Variants in TAFA5 observed in about 807,000 individuals in gnomAD.
The protein encoded by TAFA5 is chemokine-like protein TAFA-5.
TAFA5 carries 6 observed loss-of-function variants against 15.3 expected under a neutral mutation model. The ratio of observed to expected loss-of-function variants is 0.39; its 90% CI spans 0.21 to 0.77. TAFA5 has a LOEUF of 0.77. TAFA5 is among the 30% of genes least tolerant of loss of function. TAFA5 has a pLI of 0.41. For missense variants in TAFA5, 161 were observed against 193.1 expected, an observed-to-expected ratio of 0.83 and a Z score of 0.98; for synonymous variants, 103 against 80.7, an observed-to-expected ratio of 1.28 and a Z score of -1.48.
At chr22:48,507,980 C>T (rs935503394) in intron 1 of TAFA5, among the ~76,000 whole-genome samples, 4 of 152,174 alleles carry the variant, frequency 2.6e-5, no homozygotes, top group Non-Finnish European at 4.4e-5. Flanking sequence ...AGAACCATCG[C>T]CCAGCCCCTA....
rs1038220506 is a variant in TAFA5, at chr22:48,550,145, CTG to C, written c.112+60449_112+60450del. Among the ~76,000 whole-genome samples the C allele has an allele frequency of 2.6e-5, 4 of 152,220 alleles. No homozygotes were observed. The highest frequency in any genetic ancestry group is 9.6e-5 in the African/African-American group (4 of 41,462). Reference sequence around the variant, plus strand: ...GTATGCTGGGCATGGGTGTAGCAGCCTGTGTGTGTCCACCCGAGGTGGCCCTG... The same window carrying C: ...GTATGCTGGGCATGGGTGTAGCAGCCTGTGTGTCCACCCGAGGTGGCCCTG... On this transcript the variant is annotated intron_variant, in intron 1 of 3. Coordinates refer to ENST00000402357, the MANE Select transcript of TAFA5 (RefSeq NM_001082967.3). This position sits in a 1 kb window ranked among gnomAD's most constrained non-coding sequence, Gnocchi z 4.1.
chr22:48,511,829 G>A (rs1011844452), intron 1 of TAFA5, among the ~76,000 whole-genome samples: 2 of 152,262 alleles, frequency 1.3e-5, no homozygotes, highest in Non-Finnish European at 2.9e-5. Flanking sequence ...CTGCCCGCTT[G>A]TGCCTGGTGC....
chr22:48,543,095 G>A (rs1249112785), intron 1 of TAFA5, among the ~76,000 whole-genome samples: 1 of 151,946 alleles, frequency 6.6e-6, no homozygotes, highest in East Asian at 1.9e-4. Context: ...AGTGGTCTGG[G>A]GTCTGCATCC....
At chr22:48,513,395 T>C (rs1921294695) in intron 1 of TAFA5, among the ~76,000 whole-genome samples, 1 of 152,228 alleles carries the variant, frequency 6.6e-6, no homozygotes, top group Admixed American at 6.5e-5. Flanking sequence ...GCTCATCGCA[T>C]GTGCAGAGTT....
chr22:48,674,429 C>T (rs1927903610), intron 2 of TAFA5, among the ~76,000 whole-genome samples: 1 of 152,208 alleles, frequency 6.6e-6, no homozygotes, highest in African/African-American at 2.4e-5. Context: ...TCTGCTCTTC[C>T]TGCCTCTGGA....
chr22:48,575,382 G>A (rs2147140780), intron 1 of TAFA5, among the ~76,000 whole-genome samples: 1 of 148,834 alleles, frequency 6.7e-6, no homozygotes, highest in East Asian at 2.0e-4. Flanking sequence ...CGGCCGGGAG[G>A]AGCGCAGACG....
intron 1 of TAFA5, chr22:48,546,677 A>G (rs1182875830): frequency 2.0e-5 from 9 of 454,706 alleles, no homozygotes; most frequent in Admixed American, 1.9e-4. Context: ...GAGGGTCCGC[A>G]GGATGGGGGG....
At chr22:48,708,840 G>T (rs1929163766) in intron 3 of TAFA5, among the ~76,000 whole-genome samples, 1 of 152,214 alleles carries the variant, frequency 6.6e-6, no homozygotes, top group East Asian at 1.9e-4. Flanking sequence ...CCTCACACTG[G>T]GCTGCAGGGA....
At chr22:48,621,953 A>G (rs1382647210) in intron 1 of TAFA5, among the ~76,000 whole-genome samples, 1 of 152,010 alleles carries the variant, frequency 6.6e-6, no homozygotes, top group Non-Finnish European at 1.5e-5. Flanking sequence ...GTTTTCCTAG[A>G]TGAGGAGTTT....
intron 2 of TAFA5, among the ~76,000 whole-genome samples, chr22:48,660,522 A>G (rs1927398829): frequency 1.3e-5 from 2 of 152,144 alleles, no homozygotes; most frequent in African/African-American, 4.8e-5. Context: ...CCTAGAGACA[A>G]TTCTTTCCAG....
chr22:48,695,977 G>T (rs537321664), intron 2 of TAFA5, among the ~76,000 whole-genome samples: 87 of 152,344 alleles, frequency 5.7e-4, no homozygotes, highest in African/African-American at 2.0e-3. Flanking sequence ...GCACTCGAGA[G>T]CATATAGGCT....
At chr22:48,658,302 T>TC (rs1446527245) in intron 2 of TAFA5, among the ~76,000 whole-genome samples, 2 of 152,200 alleles carry the variant, frequency 1.3e-5, no homozygotes, top group Non-Finnish European at 2.9e-5. Flanking sequence ...ATCTGGGGAT[T>TC]CCGGGGCTCT....
intron 3 of TAFA5, among the ~76,000 whole-genome samples, chr22:48,722,067 G>A (rs1036170788): frequency 1.3e-5 from 2 of 152,162 alleles, no homozygotes; most frequent in Admixed American, 1.3e-4. Context: ...TTATGGGATT[G>A]CTGGGTCAAA....
At chr22:48,703,857 C>T (rs1361501933) in intron 2 of TAFA5, among the ~76,000 whole-genome samples, 1 of 152,250 alleles carries the variant, frequency 6.6e-6, no homozygotes, top group African/African-American at 2.4e-5. Context: ...CCTGCTGGCC[C>T]AGGCCCTGCC....
intron 1 of TAFA5, chr22:48,576,571 G>C: frequency 1.3e-6 from 2 of 1,484,672 alleles, no homozygotes; most frequent in South Asian, 2.7e-5. Context: ...CCTCAAAGAA[G>C]GTAATTGTCC....
chr22:48,539,106 T>C (rs1601564022), intron 1 of TAFA5: 1 of 260,268 alleles, frequency 3.8e-6, no homozygotes, highest in East Asian at 8.7e-5. Context: ...GCTGGCTGAA[T>C]CCCGGGGAGA....
At chr22:48,581,530 C>T (rs775668977) in intron 1 of TAFA5, among the ~76,000 whole-genome samples, 74 of 152,162 alleles carry the variant, frequency 4.9e-4, no homozygotes, top group Non-Finnish European at 6.8e-4. Context: ...TCTCTGGGCG[C>T]GCGGAGCTGT....
intron 3 of TAFA5, among the ~76,000 whole-genome samples, chr22:48,718,258 TG>T (rs1361151994): frequency 1.3e-5 from 2 of 152,148 alleles, no homozygotes; most frequent in African/African-American, 4.8e-5. Flanking sequence ...CAGCAGACAC[TG>T]GGCCCCGCTG....
chr22:48,744,969 T>C (rs899127077), intron 3 of TAFA5, among the ~76,000 whole-genome samples: 1 of 152,196 alleles, frequency 6.6e-6, no homozygotes, highest in African/African-American at 2.4e-5. Flanking sequence ...TTAGTCAGGA[T>C]GGTCTCGAAC....
Sources: allele counts gnomAD v4.1 joint callset (sites outside exome capture counted in the v4.1 genomes callset), GRCh38; gene constraint gnomAD v4.1.1; non-coding constraint Gnocchi (gnomAD v3.1); transcripts MANE v1.5; gene names NCBI Gene and HGNC (gene_info 2026-07-23, HGNC 2026-07-21).